Variants in GRIK4 observed in about 807,000 individuals in gnomAD.
The protein encoded by GRIK4 is glutamate ionotropic receptor kainate type subunit 4, also known as glutamate receptor ionotropic, kainate 4.
In GRIK4, 40 loss-of-function variants were observed where a neutral mutation model predicts 104.9. The ratio of observed to expected loss-of-function variants is 0.38; its 90% confidence interval spans 0.30 to 0.50. The LOEUF is 0.50. Among genes scored for constraint, GRIK4 ranks in the 20% least tolerant of loss-of-function variants. The pLI is 0.93. For missense variants in GRIK4, 1,047 were observed against 1,308.1 expected, an observed-to-expected ratio of 0.80 and a Z score of 3.08; for synonymous variants, 485 against 524.9, an observed-to-expected ratio of 0.92 and a Z score of 1.04.
intron 1 of GRIK4, among the ~76,000 whole-genome samples, chr11:120,591,784 T>A (rs1162472325): frequency 6.6e-6 from 1 of 152,242 alleles, no homozygotes; most frequent in Non-Finnish European, 1.5e-5. Flanking sequence ...CTTGCATTTT[T>A]ATAAAATAAG....
intron 11 of GRIK4, among the ~76,000 whole-genome samples, chr11:120,893,401 T>A (rs1238350264): frequency 6.6e-6 from 1 of 152,252 alleles, no homozygotes; most frequent in African/African-American, 2.4e-5. Context: ...GCATTAAGAA[T>A]CTGTAGGTAG....
chr11:120,815,319 G>C, intron 4 of GRIK4, 59 bp from the exon 5 acceptor site: 1 of 1,003,212 alleles, frequency 1.0e-6, no homozygotes, highest in Non-Finnish European at 1.5e-6. Context: ...CTGGGCCATG[G>C]CGCAAGCCCG....
intron 3 of GRIK4, among the ~76,000 whole-genome samples, chr11:120,787,224 A>C (rs1184734282): frequency 6.6e-6 from 1 of 151,686 alleles, no homozygotes; most frequent in African/African-American, 2.4e-5. Context: ...CCAGCTATTC[A>C]CGGCTGAGAC....
intron 1 of GRIK4, among the ~76,000 whole-genome samples, chr11:120,586,563 AGAG>A (rs142980882): frequency 1.3e-5 from 2 of 152,276 alleles, no homozygotes; most frequent in African/African-American, 4.8e-5. Context: ...GGTGTGAATT[AGAG>A]GAGACAGGAA....
intron 9 of GRIK4, among the ~76,000 whole-genome samples, chr11:120,867,375 C>T (rs968373296): frequency 1.3e-5 from 2 of 152,120 alleles, no homozygotes; most frequent in African/African-American, 4.8e-5. Context: ...CTGGTTCTGT[C>T]CCCACCATCA....
intron 3 of GRIK4, among the ~76,000 whole-genome samples, chr11:120,699,549 G>A (rs1319138169): frequency 2.0e-5 from 1 of 48,952 alleles, no homozygotes; most frequent in African/African-American, 8.9e-5. Context: ...ATGTGTGTGT[G>A]TGTGTGTGTG....
At chr11:120,961,223 C>G in intron 17 of GRIK4, 149 bp downstream of exon 17, 1 of 719,044 alleles carries the variant, frequency 1.4e-6, no homozygotes, top group South Asian at 1.9e-5. Context: ...CATTTATCTG[C>G]TGCTCCACAA....
chr11:120,761,607 T>C (rs1303047507), intron 3 of GRIK4, among the ~76,000 whole-genome samples: 1 of 152,220 alleles, frequency 6.6e-6, no homozygotes, highest in Non-Finnish European at 1.5e-5. Flanking sequence ...GTTTAATTCA[T>C]CTTGAGTTAA....
chr11:120,759,335 G>A (rs926630046), intron 3 of GRIK4, among the ~76,000 whole-genome samples: 1 of 152,182 alleles, frequency 6.6e-6, no homozygotes, highest in Non-Finnish European at 1.5e-5. Context: ...GCAGGCAGGG[G>A]CCAGGGAGGC....
chr11:120,691,032 T>C (rs1950351217), intron 3 of GRIK4, among the ~76,000 whole-genome samples: 1 of 152,228 alleles, frequency 6.6e-6, no homozygotes, highest in Admixed American at 6.5e-5. Context: ...TTGGCTTCTT[T>C]TTAGAACAAG....
intron 1 of GRIK4, among the ~76,000 whole-genome samples, chr11:120,601,052 A>G (rs1948878632): frequency 6.6e-6 from 1 of 151,380 alleles, no homozygotes. Context: ...AGACCTTGTC[A>G]CAAACAAACA....
intron 11 of GRIK4, among the ~76,000 whole-genome samples, chr11:120,884,189 G>A (rs1955052537): frequency 6.6e-6 from 1 of 152,212 alleles, no homozygotes; most frequent in Non-Finnish European, 1.5e-5. Context: ...AGCAGGGATG[G>A]TGATCATCAT....
intron 13 of GRIK4, among the ~76,000 whole-genome samples, chr11:120,919,430 T>C (rs1474534119): frequency 6.6e-6 from 1 of 152,134 alleles, no homozygotes; most frequent in Non-Finnish European, 1.5e-5. Flanking sequence ...AGAGCAGCGG[T>C]TCTCAAAGTA....
At chr11:120,614,617 C>G (rs1480814526) in intron 1 of GRIK4, among the ~76,000 whole-genome samples, 2 of 152,322 alleles carry the variant, frequency 1.3e-5, no homozygotes, top group Non-Finnish European at 2.9e-5. Flanking sequence ...TAACCCCACT[C>G]AGATGTACAT....
At chr11:120,680,327 C>T (rs1166710042) in intron 3 of GRIK4, among the ~76,000 whole-genome samples, 1 of 135,776 alleles carries the variant, frequency 7.4e-6, no homozygotes, top group Non-Finnish European at 1.6e-5. Context: ...ATCAACCTGC[C>T]CCGGCCTCCC....
chr11:120,915,157 A>C (rs1943080296), intron 13 of GRIK4, among the ~76,000 whole-genome samples: 1 of 152,060 alleles, frequency 6.6e-6, no homozygotes, highest in Non-Finnish European at 1.5e-5. Flanking sequence ...CATGCAACCC[A>C]CTGAGACCTG....
chr11:120,582,705 T>C (rs1394755081), intron 1 of GRIK4, among the ~76,000 whole-genome samples: 5 of 152,220 alleles, frequency 3.3e-5, no homozygotes, highest in African/African-American at 1.2e-4. Context: ...TTTTTATGGC[T>C]GCGTAGTATT....
chr11:120,689,820 C>T (rs1170444717), intron 3 of GRIK4, among the ~76,000 whole-genome samples: 2 of 152,170 alleles, frequency 1.3e-5, no homozygotes, highest in Non-Finnish European at 2.9e-5. Flanking sequence ...TGGTTACTCC[C>T]ACACCCCCGC....
chr11:120,672,298 C>T (rs563516434), intron 3 of GRIK4, among the ~76,000 whole-genome samples: 2 of 152,202 alleles, frequency 1.3e-5, no homozygotes, highest in Admixed American at 1.3e-4. Flanking sequence ...CACCTGCAAT[C>T]CCAGCTACTC....
Sources: allele counts gnomAD v4.1 joint callset (sites outside exome capture counted in the v4.1 genomes callset), GRCh38; gene constraint gnomAD v4.1.1; transcripts MANE v1.5; gene names NCBI Gene and HGNC (gene_info 2026-07-23, HGNC 2026-07-21).